RABGAP1: variants seen among roughly 807,000 people sequenced by gnomAD.
RABGAP1 encodes rab GTPase-activating protein 1.
In RABGAP1, 23 loss-of-function variants were observed where a neutral mutation model predicts 137.6. That is an observed-to-expected ratio of 0.17 (90% CI 0.12 to 0.24). The LOEUF is 0.24. Among genes scored for constraint, RABGAP1 ranks in the 10% least tolerant of loss-of-function variants. The pLI, the probability that RABGAP1 is intolerant of heterozygous loss-of-function variation, is 1.00. For synonymous variants in RABGAP1, 451 were observed against 450.7 expected (o/e 1.00, Z -0.01); for missense variants, 906 against 1,275.8 (o/e 0.71, Z 4.42).
At chr9:123,096,575 T>C (rs559423053) in intron 21 of RABGAP1, among the ~76,000 whole-genome samples, 2 of 152,346 alleles carry the variant, frequency 1.3e-5, no homozygotes, top group East Asian at 1.9e-4. Flanking sequence ...CACCTTTTTT[T>C]CTCTCTCTTT....
At chr9:123,014,488 CCTAT>C (rs2031066375) in intron 11 of RABGAP1, among the ~76,000 whole-genome samples, 1 of 151,986 alleles carries the variant, frequency 6.6e-6, no homozygotes. Context: ...ATAGTTTATA[CCTAT>C]CTGTTTTCTA....
At chr9:122,933,427 T>G in the RABGAP1 span, among the ~76,000 whole-genome samples, 2 of 146,768 alleles carry the variant, frequency 1.4e-5, no homozygotes, top group Non-Finnish European at 3.0e-5. Flanking sequence ...GCATGTTATA[T>G]CTTTTTTCAT....
chr9:123,080,716 T>C (rs1056000112), intron 19 of RABGAP1, among the ~76,000 whole-genome samples: 3 of 152,176 alleles, frequency 2.0e-5, no homozygotes, highest in African/African-American at 7.2e-5. Flanking sequence ...GTTCATGATA[T>C]GTGGTTCCAA....
intron 19 of RABGAP1, among the ~76,000 whole-genome samples, chr9:123,078,164 T>G (rs1449523135): frequency 6.6e-6 from 1 of 152,004 alleles, no homozygotes. Flanking sequence ...ATGGCTCCCC[T>G]ATCTGTTAAA....
intron 13 of RABGAP1, among the ~76,000 whole-genome samples, chr9:123,044,626 C>CGTGTGTGTGTGTGT (rs68089109): frequency 8.1e-5 from 12 of 148,978 alleles, no homozygotes; most frequent in African/African-American, 2.7e-4. Flanking sequence ...AACACACGTA[C>CGTGTGTGTGTGTGT]GTGTGTGTGT....
At chr9:122,968,698 T>C (rs1213164711) in intron 2 of RABGAP1, among the ~76,000 whole-genome samples, 1 of 152,102 alleles carries the variant, frequency 6.6e-6, no homozygotes, top group Non-Finnish European at 1.5e-5. Flanking sequence ...TACCACAACC[T>C]CTGCCTCCCA....
At chr9:123,056,970 C>G (rs1040981638) in intron 13 of RABGAP1, among the ~76,000 whole-genome samples, 1 of 152,226 alleles carries the variant, frequency 6.6e-6, no homozygotes, top group Non-Finnish European at 1.5e-5. Context: ...CATCATGGCC[C>G]GTTCTCAATG....
chr9:122,989,889 T>C, intron 5 of RABGAP1, 167 bp from the exon 6 acceptor site: 1 of 709,386 alleles, frequency 1.4e-6, no homozygotes, highest in Non-Finnish European at 2.2e-6. Context: ...TGTCTGGACA[T>C]TTTTAGTGTT....
intron 2 of RABGAP1, chr9:122,972,030 T>C (rs959764965): frequency 6.6e-6 from 1 of 152,156 alleles, no homozygotes; most frequent in African/African-American, 2.4e-5. Context: ...TGAATGAGAA[T>C]AGAGATGAAG....
chr9:123,085,890 G>A (rs2034848135), intron 19 of RABGAP1, among the ~76,000 whole-genome samples: 1 of 152,166 alleles, frequency 6.6e-6, no homozygotes, highest in African/African-American at 2.4e-5. Flanking sequence ...AAATGTCCCT[G>A]CTGCATCTTT....
In RABGAP1 at chr9:122,998,584, T is replaced by C. The variant is rs587364; in HGVS notation, c.1205-13T>C. Reference sequence around the variant, plus strand: ...CTGATTTACCTCTTCAGCCTCTCTCTTTCTTTGTTTAGATAAAGTCCTGTT... The same window carrying C: ...CTGATTTACCTCTTCAGCCTCTCTCCTTCTTTGTTTAGATAAAGTCCTGTT... On this transcript the variant is annotated splice_polypyrimidine_tract_variant and intron_variant, in intron 9 of 25. Transcript: ENST00000373647. 0.79 allele frequency: 1,203,858 copies of C among 1,517,438 alleles called. 503,990 individuals carry two copies. Among genetic ancestry groups the C allele is most frequent in the Non-Finnish European group, 0.86 (962,789 of 1,117,588 alleles). 94.0% of individuals were successfully genotyped at this position (1,517,438 alleles called of 1,614,324 possible). A position where few individuals can be genotyped will look rare whatever the true frequency, so the allele number is the denominator to read the frequency against.
intron 13 of RABGAP1, chr9:123,033,474 C>T (rs2032418009): frequency 6.6e-6 from 1 of 152,352 alleles, no homozygotes; most frequent in African/African-American, 2.4e-5. Context: ...ACTGTGCAGT[C>T]TGGAAATCGG....
At chr9:123,089,515 T>TCTAA (rs1176216911) in intron 19 of RABGAP1, 27 of 438,584 alleles carry the variant, frequency 6.2e-5, no homozygotes, top group South Asian at 9.0e-5. Flanking sequence ...GGGTGTTCAT[T>TCTAA]CTAATACTGT....
rs537277763 is a variant in RABGAP1, at chr9:123,020,093, C to G, written c.1644-216C>G. 2.1e-4 allele frequency among the ~76,000 whole-genome samples: 32 copies of G among 151,284 alleles called. 1 individual carries two copies. The highest frequency in any genetic ancestry group is 3.4e-4 in the Non-Finnish European group (23 of 67,896). Reference sequence around the variant, plus strand: ...AAATAATTTAAAAATACTTAAGAAGCCTTTTGCAGAATCTATGTGGATTTT... The same window carrying G: ...AAATAATTTAAAAATACTTAAGAAGGCTTTTGCAGAATCTATGTGGATTTT... On this transcript the variant is annotated intron_variant, in intron 12 of 25. Transcript: ENST00000373647.
chr9:122,945,147 C>CTTTTTTTTTGTTTTTTTTTT (rs1833875004), intron 1 of RABGAP1, among the ~76,000 whole-genome samples: 1 of 75,772 alleles, frequency 1.3e-5, no homozygotes, highest in Non-Finnish European at 2.9e-5. Context: ...ATAGCTGTTG[C>CTTTTTTTTTGTTTTTTTTTT]TTTTTTTTTT....
the RABGAP1 span, among the ~76,000 whole-genome samples, chr9:122,932,240 T>C: frequency 6.6e-6 from 1 of 152,236 alleles, no homozygotes; most frequent in African/African-American, 2.4e-5. Flanking sequence ...AGGGGCTTTT[T>C]ATTGAGGTAA....
In RABGAP1 at chr9:123,051,216, G is replaced by GTTTTTTTTTTTTTT. The variant is rs552457119; in HGVS notation, c.1795-14097_1795-14084dup. 2.0e-4 allele frequency among the ~76,000 whole-genome samples: 7 copies of GTTTTTTTTTTTTTT among 34,280 alleles called. 2 individuals are homozygous for GTTTTTTTTTTTTTT. The highest frequency in any genetic ancestry group is 3.5e-4 in the Admixed American group (1 of 2,822). 22.5% of individuals were successfully genotyped at this position (34,280 alleles called of 152,430 possible). Reference sequence around the variant, plus strand: ...ACATGTTGTGATTTTATTCACCTTGGTTTTTTTTTTTTTTTTTTTTTTTTT... The same window carrying GTTTTTTTTTTTTTT: ...ACATGTTGTGATTTTATTCACCTTGGTTTTTTTTTTTTTTTTTTTTTTTTTTTTTTTTTTTTTTT... On this transcript the variant is annotated intron_variant, in intron 13 of 25. Coordinates refer to ENST00000373647, the MANE Select transcript of RABGAP1 (RefSeq NM_012197.4).
At chr9:123,078,273 G>T (rs1297314972) in intron 19 of RABGAP1, among the ~76,000 whole-genome samples, 1 of 151,942 alleles carries the variant, frequency 6.6e-6, no homozygotes, top group African/African-American at 2.4e-5. Context: ...AGAACTTCTG[G>T]TAATTAAAAT....
intron 1 of RABGAP1, among the ~76,000 whole-genome samples, chr9:122,956,534 TA>T (rs1834531144): frequency 6.6e-6 from 1 of 151,376 alleles, no homozygotes; most frequent in Non-Finnish European, 1.5e-5. Context: ...CCTGTAGTCC[TA>T]GCTACTCAGG....
Sources: gnomAD v4.1 joint callset for allele counts (sites outside exome capture counted in the v4.1 genomes callset) on GRCh38, gnomAD v4.1.1 for gene constraint, MANE v1.5 for transcripts, NCBI Gene and HGNC (gene_info 2026-07-23, HGNC 2026-07-21) for gene names.